The following EIPR1 variants were observed in gnomAD, a reference collection of about 807,000 sequenced individuals.
EIPR1 encodes the protein EARP and GARP complex-interacting protein 1.
A neutral mutation model predicts 48.1 loss-of-function variants in EIPR1; 25 were observed. The observed-to-expected ratio is 0.52, with a 90% CI of 0.38 to 0.73. The LOEUF is 0.73. EIPR1 is among the 30% of genes least tolerant of loss of function. The pLI is 0.00. For synonymous variants in EIPR1, 204 were observed against 201.9 expected (o/e 1.01, Z -0.09); for missense variants, 415 against 506.2 (o/e 0.82, Z 1.73).
In EIPR1 at chr2:3,189,517, C is replaced by A; in HGVS notation, c.990-9G>T. On this transcript the variant is annotated splice_polypyrimidine_tract_variant and intron_variant, in intron 8 of 8. Transcript: ENST00000382125. This position sits in a 1 kb window ranked among gnomAD's most constrained non-coding sequence, Gnocchi z 4.6. The stretch of plus-strand genomic sequence containing the variant: ...GCAGGGGCTCCTTGCTCCTGCAATG[C>A]AACAGAGGCAGACGTGAGCGCAGCA... The A allele has an allele frequency of 6.5e-7, 1 of 1,545,352 alleles. No homozygotes were observed. The highest frequency in any genetic ancestry group is 2.3e-5 in the East Asian group (1 of 42,818).
chr2:3,300,520 T>C (rs1668734067), intron 3 of EIPR1, among the ~76,000 whole-genome samples: 1 of 152,210 alleles, frequency 6.6e-6, no homozygotes, highest in African/African-American at 2.4e-5. Context: ...GCCACCTGCA[T>C]GTCCACGGCC....
chr2:3,373,099 C>G (rs1659742497), intron 1 of EIPR1, among the ~76,000 whole-genome samples: 1 of 152,030 alleles, frequency 6.6e-6, no homozygotes, highest in African/African-American at 2.4e-5. Context: ...TAAATGTAAT[C>G]CAGCATATAA....
chr2:3,318,910 G>A (rs765968560), intron 3 of EIPR1: 10 of 471,286 alleles, frequency 2.1e-5, no homozygotes, highest in South Asian at 9.3e-5. Flanking sequence ...AAAGACAATC[G>A]TGGGACTCTG....
intron 2 of EIPR1, among the ~76,000 whole-genome samples, chr2:3,341,313 G>T (rs966904141): frequency 6.6e-6 from 1 of 152,104 alleles, no homozygotes; most frequent in Non-Finnish European, 1.5e-5. Context: ...ACCATTCACC[G>T]CAGGCCTGGA....
intron 4 of EIPR1, among the ~76,000 whole-genome samples, chr2:3,251,870 G>A (rs1667009257): frequency 6.6e-6 from 1 of 152,200 alleles, no homozygotes; most frequent in Admixed American, 6.5e-5. Flanking sequence ...GGCTCCTTCT[G>A]TTCATTCAAC....
chr2:3,263,530 T>C (rs1481313924), intron 3 of EIPR1, among the ~76,000 whole-genome samples: 1 of 152,132 alleles, frequency 6.6e-6, no homozygotes, highest in African/African-American at 2.4e-5. Context: ...GCCACAGAAC[T>C]GCACTATACA....
At chr2:3,208,734 G>A in intron 5 of EIPR1, 1 of 1,548,730 alleles carries the variant, frequency 6.5e-7, no homozygotes, top group Admixed American at 2.0e-5. Flanking sequence ...TGAGGCTCGT[G>A]GCGGGTCCTT....
At chr2:3,204,589 C>T (rs960745393) in intron 5 of EIPR1, among the ~76,000 whole-genome samples, 3 of 152,156 alleles carry the variant, frequency 2.0e-5, no homozygotes, top group East Asian at 1.9e-4. Flanking sequence ...AAGGCGCCCA[C>T]AAAACTTTCA....
At chr2:3,196,221 A>C (rs1245699954) in intron 6 of EIPR1, among the ~76,000 whole-genome samples, 1 of 152,236 alleles carries the variant, frequency 6.6e-6, no homozygotes, top group Non-Finnish European at 1.5e-5. Flanking sequence ...TGGAATCAAC[A>C]CGAGTTATTG....
intron 4 of EIPR1, among the ~76,000 whole-genome samples, chr2:3,215,073 A>C (rs920131840): frequency 3.3e-5 from 5 of 152,222 alleles, no homozygotes; most frequent in African/African-American, 1.2e-4. Context: ...CCGCCCCAGG[A>C]ACACATTTTC....
intron 3 of EIPR1, among the ~76,000 whole-genome samples, chr2:3,328,842 A>G (rs1357620923): frequency 2.8e-5 from 3 of 107,694 alleles, no homozygotes; most frequent in Non-Finnish European, 5.8e-5. Context: ...ATCTCAGGGC[A>G]CCAGCTGGGC....
intron 3 of EIPR1, among the ~76,000 whole-genome samples, chr2:3,272,637 A>G (rs1667732794): frequency 6.6e-6 from 1 of 152,306 alleles, no homozygotes; most frequent in Admixed American, 6.5e-5. Flanking sequence ...GCCCCAAAAC[A>G]ATTACAATAG....
intron 2 of EIPR1, among the ~76,000 whole-genome samples, chr2:3,354,010 G>C (rs191749978): frequency 2.6e-5 from 4 of 152,142 alleles, no homozygotes; most frequent in African/African-American, 9.7e-5. Flanking sequence ...AGGGGAATCC[G>C]TGTGCTCAAG....
chr2:3,377,216 G>A (rs1355826612), intron 1 of EIPR1: 1 of 167,790 alleles, frequency 6.0e-6, no homozygotes, highest in Non-Finnish European at 1.3e-5. Context: ...AAGGGAAGCT[G>A]GGTGGAGGGT....
chr2:3,304,629 CTCCCGTCCAGTTCAGCCCTCCAG>C (rs1455524319), intron 3 of EIPR1, among the ~76,000 whole-genome samples: 1 of 48,122 alleles, frequency 2.1e-5, no homozygotes, highest in African/African-American at 9.1e-5. Flanking sequence ...CAGCCCTCCA[CTCCCGTCCAGTTCAGCCCTCCAG>C]TCCCGTCCAG....
chr2:3,198,329 A>G (rs1664881844), intron 5 of EIPR1, among the ~76,000 whole-genome samples: 1 of 152,208 alleles, frequency 6.6e-6, no homozygotes, highest in Non-Finnish European at 1.5e-5. Context: ...GGGCTGTGCG[A>G]GAGACTGAGA....
intron 4 of EIPR1, among the ~76,000 whole-genome samples, chr2:3,217,827 A>G (rs1289177777): frequency 2.0e-5 from 3 of 152,126 alleles, no homozygotes; most frequent in Admixed American, 6.5e-5. Flanking sequence ...CAGAGGCCCC[A>G]CTGGCTACCC....
chr2:3,194,918 G>T (rs1196283053), intron 6 of EIPR1, among the ~76,000 whole-genome samples: 1 of 152,198 alleles, frequency 6.6e-6, no homozygotes, highest in African/African-American at 2.4e-5. Flanking sequence ...GTGGGAGAAG[G>T]GGACTGTTTG....
At chr2:3,304,190 A>C (rs1202188906) in intron 3 of EIPR1, among the ~76,000 whole-genome samples, 2 of 152,164 alleles carry the variant, frequency 1.3e-5, no homozygotes, top group Non-Finnish European at 1.5e-5. Flanking sequence ...AGCGCCACGC[A>C]AGGCTGCAGA....
Sources: allele counts gnomAD v4.1 joint callset (sites outside exome capture counted in the v4.1 genomes callset), GRCh38; gene constraint gnomAD v4.1.1; non-coding constraint Gnocchi (gnomAD v3.1); transcripts MANE v1.5; gene names NCBI Gene and HGNC (gene_info 2026-07-23, HGNC 2026-07-21).